GAK: variants seen among roughly 807,000 people sequenced by gnomAD.
GAK encodes the protein cyclin G associated kinase.
GAK carries 79 observed loss-of-function variants against 143.9 expected under a neutral mutation model. The ratio of observed to expected loss-of-function variants is 0.55; its 90% CI spans 0.46 to 0.66. The LOEUF (loss-of-function observed/expected upper bound fraction) is 0.66, where lower values mean the gene tolerates loss of function less well. Ranked by LOEUF, GAK falls within the 30% of genes least tolerant of loss-of-function variation. The pLI is 0.00. For missense variants in GAK, 1,693 were observed against 1,779.7 expected (o/e 0.95, Z 0.88); for synonymous variants, 881 against 765.5 (o/e 1.15, Z -2.49).
At chr4:883,220 C>T in intron 13 of GAK, 95 bp downstream of exon 13, 2 of 1,463,342 alleles carry the variant, frequency 1.4e-6, no homozygotes, top group Admixed American at 2.1e-5. Flanking sequence ...GCCCCCATCA[C>T]AGCCCCACCC....
chr4:855,328 A>AT (rs1337414318), intron 24 of GAK, among the ~76,000 whole-genome samples: 2 of 149,578 alleles, frequency 1.3e-5, no homozygotes, highest in Non-Finnish European at 3.0e-5. Flanking sequence ...CTAAATGTTT[A>AT]TTTTTTCTAA....
At chr4:877,436 G>A (rs560012950) in intron 16 of GAK, among the ~76,000 whole-genome samples, 179 bp downstream of exon 16, 2 of 152,182 alleles carry the variant, frequency 1.3e-5, no homozygotes, top group South Asian at 2.1e-4. Context: ...CTGGACACTC[G>A]GATCCCTGTG....
At chr4:852,446 C>CT (rs79401443) in intron 24 of GAK, 11,674 of 163,434 alleles carry the variant, frequency 0.071, 431 homozygotes, top group African/African-American at 0.11. Flanking sequence ...GATCCCGTAA[C>CT]TTTTTTTTTT....
intron 23 of GAK, among the ~76,000 whole-genome samples, chr4:861,605 G>A (rs1750290338): frequency 6.6e-6 from 1 of 152,148 alleles, no homozygotes; most frequent in African/African-American, 2.4e-5. Context: ...AAAGAAAGCT[G>A]AGATAAGCTA....
intron 1 of GAK, 55 bp downstream of exon 1, chr4:931,988 C>A (rs1486677134): frequency 3.1e-6 from 4 of 1,273,414 alleles, no homozygotes; most frequent in Non-Finnish European, 4.4e-6. Flanking sequence ...CTGCCCCCAG[C>A]GTCCCGGAGA....
At chr4:912,041 G>A (rs553014765) in intron 3 of GAK, 27 of 498,292 alleles carry the variant, frequency 5.4e-5, no homozygotes, top group African/African-American at 3.5e-4. Flanking sequence ...TGACCACAGC[G>A]ACACCAAAGT....
intron 18 of GAK, among the ~76,000 whole-genome samples, chr4:873,585 C>A (rs2152777308): frequency 6.6e-6 from 1 of 152,268 alleles, no homozygotes; most frequent in East Asian, 1.9e-4. Context: ...GTCAACTTCA[C>A]CCCTCCTTCT....
rs190540421 is a variant in GAK, at chr4:866,327, G to A, written c.3043+37C>T. ...AGAGGCTGCGGTCCTGAGGGAGGCG[G>A]CCATGGAGAGCTGGCTGCCAGGCGA... On this transcript the variant is annotated intron_variant, in intron 22 of 27. Coordinates refer to ENST00000314167, the MANE Select transcript of GAK (RefSeq NM_005255.4). The A allele has an allele frequency of 3.7e-4, 589 of 1,600,518 alleles. 4 individuals carry two copies. The African/African-American group carries it at 6.8e-3, about 18-fold the overall frequency.
intron 1 of GAK, among the ~76,000 whole-genome samples, chr4:921,428 A>G (rs759099152): frequency 2.0e-5 from 3 of 152,126 alleles, no homozygotes; most frequent in Non-Finnish European, 4.4e-5. Context: ...CACAGAAGCA[A>G]CTCCATGGAA....
At chr4:885,345 G>T (rs999288509) in intron 11 of GAK, among the ~76,000 whole-genome samples, 3 of 152,236 alleles carry the variant, frequency 2.0e-5, no homozygotes, top group Non-Finnish European at 2.9e-5. Context: ...GGAGGCCGAG[G>T]CAGAGAGATC....
At chr4:870,184 T>A (rs992943689) in intron 19 of GAK, among the ~76,000 whole-genome samples, 1 of 151,926 alleles carries the variant, frequency 6.6e-6, no homozygotes, top group African/African-American at 2.4e-5. Flanking sequence ...CTGAAGATGC[T>A]CAGAAAGAAA....
rs1389729361 is a variant in GAK, at chr4:932,282, G to A, written c.-95C>T. On this transcript the variant is annotated 5_prime_UTR_variant, in exon 1 of 28. Coordinates refer to ENST00000314167, the MANE Select transcript of GAK (RefSeq NM_005255.4). This position sits in a 1 kb window ranked among gnomAD's most constrained non-coding sequence, Gnocchi z 4.0. ...GGGTCAGCTCAGCAACCGCCGGCCC[G>A]GAGGTGCACCATCTTCCGCCTCGAC... The A allele has an allele frequency of 4.3e-6, 6 of 1,401,032 alleles. No individual in the cohort carries two copies. Among genetic ancestry groups the A allele is most frequent in the Non-Finnish European group, 5.5e-6 (6 of 1,086,332 alleles). 86.8% of individuals were successfully genotyped at this position (1,401,032 alleles called of 1,614,324 possible).
intron 5 of GAK, among the ~76,000 whole-genome samples, chr4:898,391 G>A (rs1719216223): frequency 6.6e-6 from 1 of 152,252 alleles, no homozygotes; most frequent in Non-Finnish European, 1.5e-5. Flanking sequence ...TGGCGGGTGG[G>A]CCGGCCTGAG....
At chr4:857,125 G>A (rs1042359404) in intron 24 of GAK, among the ~76,000 whole-genome samples, 4 of 152,176 alleles carry the variant, frequency 2.6e-5, no homozygotes, top group Non-Finnish European at 5.9e-5. Flanking sequence ...AATAGATTTT[G>A]TTAACAATTC....
At chr4:894,050 C>T (rs532822457) in intron 7 of GAK, 41 bp from the exon 8 acceptor site, 45 of 1,488,986 alleles carry the variant, frequency 3.0e-5, no homozygotes, top group South Asian at 2.0e-4. Context: ...CCACGGGGAG[C>T]GCAGGGGTGA....
At chr4:857,605 C>T (rs1014134005) in intron 24 of GAK, among the ~76,000 whole-genome samples, 5 of 152,142 alleles carry the variant, frequency 3.3e-5, no homozygotes, top group Non-Finnish European at 7.3e-5. Context: ...GGCGCCTGCA[C>T]CCGTGACCCT....
At chr4:897,321 A>G (rs1406546256) in intron 6 of GAK, among the ~76,000 whole-genome samples, 1 of 152,220 alleles carries the variant, frequency 6.6e-6, no homozygotes, top group Non-Finnish European at 1.5e-5. Flanking sequence ...GGAAAGCAGG[A>G]TAAAGCGCCC....
At chr4:858,696 T>G (rs2061846) in intron 24 of GAK, among the ~76,000 whole-genome samples, 32 of 152,238 alleles carry the variant, frequency 2.1e-4, no homozygotes, top group Non-Finnish European at 3.8e-4. Flanking sequence ...ACTTCAGATG[T>G]GAGCTCGCAA....
intron 5 of GAK, among the ~76,000 whole-genome samples, chr4:900,841 G>A (rs1314102380): frequency 2.0e-5 from 3 of 152,234 alleles, no homozygotes; most frequent in Admixed American, 6.5e-5. Context: ...GGGAGGAAAG[G>A]AAGGAGAAGG....
Sources: allele counts gnomAD v4.1 joint callset (sites outside exome capture counted in the v4.1 genomes callset), GRCh38; gene constraint gnomAD v4.1.1; non-coding constraint Gnocchi (gnomAD v3.1); transcripts MANE v1.5; gene names NCBI Gene and HGNC (gene_info 2026-07-23, HGNC 2026-07-21).